The following PDE4B variants were observed in gnomAD, a reference collection of about 807,000 sequenced individuals.
The protein encoded by PDE4B is phosphodiesterase 4B.
Under a neutral mutation model 82.2 loss-of-function variants are expected in PDE4B, and 20 were observed. The ratio of observed to expected loss-of-function variants is 0.24; its 90% CI spans 0.17 to 0.35. The LOEUF is 0.35. Among genes scored for constraint, PDE4B ranks in the 10% least tolerant of loss-of-function variants. The pLI is 1.00. For synonymous variants in PDE4B, 320 were observed against 318.9 expected (o/e 1.00, Z -0.04); for missense variants, 655 against 907.2 (o/e 0.72, Z 3.57).
At chr1:66,350,188 G>T (rs894022865) in intron 8 of PDE4B, among the ~76,000 whole-genome samples, 5 of 151,978 alleles carry the variant, frequency 3.3e-5, no homozygotes, top group African/African-American at 4.8e-5. Flanking sequence ...GACTAACAAA[G>T]TATAAAACAT....
intron 1 of PDE4B, among the ~76,000 whole-genome samples, chr1:65,813,644 A>G (rs1232036325): frequency 1.3e-5 from 2 of 152,186 alleles, no homozygotes; most frequent in East Asian, 3.8e-4. Context: ...CTATAGTTTC[A>G]AAGAATCACT....
At chr1:66,017,307 G>A (rs1357247853) in intron 3 of PDE4B, among the ~76,000 whole-genome samples, 2 of 152,138 alleles carry the variant, frequency 1.3e-5, no homozygotes, top group African/African-American at 4.8e-5. Context: ...ATAATAAAAT[G>A]AGATTGGAAG....
At chr1:66,271,960 C>T (rs1655516404) in intron 7 of PDE4B, among the ~76,000 whole-genome samples, 1 of 152,242 alleles carries the variant, frequency 6.6e-6, no homozygotes, top group African/African-American at 2.4e-5. Context: ...TGCATCCCCT[C>T]ATCTATGAAT....
chr1:65,834,489 G>A (rs993559066), intron 1 of PDE4B, among the ~76,000 whole-genome samples: 3 of 152,066 alleles, frequency 2.0e-5, no homozygotes, highest in Admixed American at 6.5e-5. Context: ...TAAGGTTCAC[G>A]TCTATATGCA....
chr1:65,827,531 C>G (rs1646032810), intron 1 of PDE4B, among the ~76,000 whole-genome samples: 1 of 152,178 alleles, frequency 6.6e-6, no homozygotes, highest in African/African-American at 2.4e-5. Context: ...AGTGGACTTA[C>G]ATAGTTGGGG....
intron 3 of PDE4B, among the ~76,000 whole-genome samples, chr1:66,165,515 T>TAA (rs201763186): frequency 6.7e-6 from 1 of 150,318 alleles, no homozygotes. Flanking sequence ...ATACACAAAC[T>TAA]AAAAAAAAAC....
intron 3 of PDE4B, among the ~76,000 whole-genome samples, chr1:66,223,681 T>G (rs1326779859): frequency 1.3e-5 from 2 of 150,964 alleles, no homozygotes; most frequent in South Asian, 2.1e-4. Flanking sequence ...TCTTTTTTCA[T>G]TCCCCCCCAG....
intron 3 of PDE4B, among the ~76,000 whole-genome samples, chr1:65,950,437 G>A (rs1648933910): frequency 6.6e-6 from 1 of 152,018 alleles, no homozygotes; most frequent in Admixed American, 6.6e-5. Context: ...TGTATCAGTG[G>A]TCATAGATTG....
chr1:65,916,357 G>A (rs1647159431), intron 2 of PDE4B, among the ~76,000 whole-genome samples: 1 of 152,082 alleles, frequency 6.6e-6, no homozygotes, highest in Non-Finnish European at 1.5e-5. Context: ...GTGCCAAATA[G>A]TACCCATTTA....
intron 10 of PDE4B, 71 bp downstream of exon 10, chr1:66,361,864 A>C (rs1662803296): frequency 2.5e-6 from 3 of 1,209,428 alleles, no homozygotes; most frequent in Non-Finnish European, 3.5e-6. Context: ...TATACCTTTT[A>C]GAAAATAGTA....
At chr1:66,009,164 A>G (rs1287602895) in intron 3 of PDE4B, among the ~76,000 whole-genome samples, 1 of 152,100 alleles carries the variant, frequency 6.6e-6, no homozygotes, top group Non-Finnish European at 1.5e-5. Context: ...CAATTTTTCT[A>G]ATTACTCAGG....
intron 3 of PDE4B, among the ~76,000 whole-genome samples, chr1:65,950,911 T>C (rs924461510): frequency 6.6e-6 from 1 of 152,108 alleles, no homozygotes; most frequent in Non-Finnish European, 1.5e-5. Context: ...GCATGAAGTT[T>C]TTCTGTGTCC....
intron 1 of PDE4B, among the ~76,000 whole-genome samples, chr1:65,856,599 G>A (rs552219645): frequency 6.6e-6 from 1 of 152,272 alleles, no homozygotes; most frequent in East Asian, 1.9e-4. Flanking sequence ...ATTTGGGTTG[G>A]TTGCAAGTCT....
At chr1:66,260,244 A>G (rs577386405) in intron 6 of PDE4B, among the ~76,000 whole-genome samples, 1 of 152,340 alleles carries the variant, frequency 6.6e-6, no homozygotes, top group East Asian at 1.9e-4. Flanking sequence ...TTGGGCAAGA[A>G]CGTACAGCTT....
intron 7 of PDE4B, among the ~76,000 whole-genome samples, chr1:66,291,719 T>C (rs1657097463): frequency 6.6e-6 from 1 of 152,212 alleles, no homozygotes; most frequent in African/African-American, 2.4e-5. Flanking sequence ...CTGCACTCCA[T>C]GGGCTCCAAG....
intron 3 of PDE4B, among the ~76,000 whole-genome samples, chr1:66,107,449 G>C (rs1275770712): frequency 6.6e-6 from 1 of 151,228 alleles, no homozygotes; most frequent in Non-Finnish European, 1.5e-5. Flanking sequence ...CTTAAAAATT[G>C]TTTTGATTTC....
intron 1 of PDE4B, among the ~76,000 whole-genome samples, chr1:65,885,719 G>A (rs202208922): frequency 6.6e-6 from 1 of 152,072 alleles, no homozygotes; most frequent in East Asian, 1.9e-4. Flanking sequence ...TGTGGGGTGG[G>A]GGAAGTGGGG....
At chr1:65,856,616 T>G (rs867194939) in intron 1 of PDE4B, among the ~76,000 whole-genome samples, 1 of 152,222 alleles carries the variant, frequency 6.6e-6, no homozygotes, top group Non-Finnish European at 1.5e-5. Flanking sequence ...GTCTTTGCTA[T>G]TGTAAATAGT....
chr1:66,050,981 A>G (rs142512359), intron 3 of PDE4B, among the ~76,000 whole-genome samples: 7 of 152,234 alleles, frequency 4.6e-5, no homozygotes, highest in Admixed American at 3.9e-4. Context: ...AGGAATCTAG[A>G]CACAGAAAAT....
Sources: gnomAD v4.1 joint callset for allele counts (sites outside exome capture counted in the v4.1 genomes callset) on GRCh38, gnomAD v4.1.1 for gene constraint, MANE v1.5 for transcripts, NCBI Gene and HGNC (gene_info 2026-07-23, HGNC 2026-07-21) for gene names.